ZNF821: variants seen among roughly 807,000 people sequenced by gnomAD.
ZNF821 encodes zinc finger protein 821.
ZNF821 carries 16 observed loss-of-function variants against 44.3 expected under a neutral mutation model. The observed-to-expected ratio is 0.36, with a 90% CI of 0.24 to 0.55. ZNF821 has a LOEUF of 0.55. Among genes scored for constraint, ZNF821 ranks in the 20% least tolerant of loss-of-function variants. The probability of loss-of-function intolerance (pLI) is 0.86; values close to 1 mark genes in which losing one functional copy is unlikely to be tolerated. For missense variants in ZNF821, 436 were observed against 547.6 expected (o/e 0.80, Z 2.03); for synonymous variants, 204 against 197.6 (o/e 1.03, Z -0.27).
At position 71,859,919 on chromosome 16, in the gene ZNF821, G is replaced by A; in HGVS notation, c.*99C>T. 2 of 1,334,676 alleles carry A rather than the reference G, an allele frequency of 1.5e-6. No homozygotes were observed. Among genetic ancestry groups the A allele is most frequent in the South Asian group, 1.5e-5 (1 of 65,130 alleles). The allele number at this position is 1,334,676 out of a possible 1,614,324, so 82.7% of individuals were successfully genotyped here. A position where few individuals can be genotyped will look rare whatever the true frequency, so the allele number is the denominator to read the frequency against. On this transcript the variant is annotated 3_prime_UTR_variant, in exon 8 of 8. Coordinates refer to ENST00000425432, the MANE Select transcript of ZNF821 (RefSeq NM_001201552.2). ...ACCCAGGCCTGCCTCTGGCAGCAAG[G>A]ACAGGGCCTCGTGGGTGGCAGCAGC...
At chr16:71,875,456 CT>C (rs34382171) in intron 3 of ZNF821, among the ~76,000 whole-genome samples, 147 of 133,890 alleles carry the variant, frequency 1.1e-3, no homozygotes, top group East Asian at 2.6e-3. Context: ...TAATTTTTTT[CT>C]TTTTTTTTTT....
intron 3 of ZNF821, among the ~76,000 whole-genome samples, chr16:71,875,192 T>G (rs1288347677): frequency 6.6e-6 from 1 of 152,224 alleles, no homozygotes; most frequent in African/African-American, 2.4e-5. Context: ...CAAAACAATG[T>G]TCTTTCGCTT....
intron 3 of ZNF821, 77 bp from the exon 4 acceptor site, chr16:71,868,114 C>A: frequency 6.8e-7 from 1 of 1,478,646 alleles, no homozygotes; most frequent in Non-Finnish European, 9.0e-7. Flanking sequence ...GAAGGTCAGA[C>A]CATTCAAAGG....
intron 3 of ZNF821, among the ~76,000 whole-genome samples, chr16:71,876,596 CT>C (rs1260766853): frequency 1.3e-5 from 2 of 151,918 alleles, no homozygotes; most frequent in Non-Finnish European, 2.9e-5. Context: ...TTTTCTTTCT[CT>C]TTTTCTTTTT....
At chr16:71,879,692 C>T (rs2036221401) in intron 3 of ZNF821, among the ~76,000 whole-genome samples, 1 of 152,114 alleles carries the variant, frequency 6.6e-6, no homozygotes, top group African/African-American at 2.4e-5. Context: ...TCCAACACCT[C>T]CCCCAGCAAC....
chr16:71,880,729 G>T (rs2036333875), intron 2 of ZNF821, among the ~76,000 whole-genome samples: 1 of 152,162 alleles, frequency 6.6e-6, no homozygotes, highest in Admixed American at 6.5e-5. Context: ...CCCCAGTGTG[G>T]AATACCACCT....
At position 71,861,931 on chromosome 16, in the gene ZNF821, T is replaced by C. The variant is rs780407296; in HGVS notation, c.429A>G (p.Ala143=). Residue 143 remains alanine (A), a synonymous_variant, in exon 7 of 8, where the codon GCA becomes GCG. Coordinates refer to ENST00000425432, the MANE Select transcript of ZNF821 (RefSeq NM_001201552.2). ...ACATGTAGCTCTTGGCGCTCACCAC[T>C]GCTGCAGTGTGCTGTAAAACAGAGC... The part of the protein sequence containing the change: ...LIAHVYQHTA[A]VVSAKSYMCP... 6.2e-7 allele frequency: 1 copy of C among 1,614,208 alleles called. No homozygotes were observed. Among genetic ancestry groups the C allele is most frequent in the Admixed American group, 1.7e-5 (1 of 60,026 alleles).
chr16:71,895,038 G>C (rs1286936271), exon 1 of ZNF821: 4 of 498,382 alleles, frequency 8.0e-6, no homozygotes, highest in Non-Finnish European at 1.1e-5. Context: ...AGAGGGACAC[G>C]GAGGCGCTGG....
chr16:71,864,580 G>C (rs942712786), intron 5 of ZNF821, among the ~76,000 whole-genome samples: 2 of 152,232 alleles, frequency 1.3e-5, no homozygotes, highest in Non-Finnish European at 2.9e-5. Flanking sequence ...CCTTGACTTA[G>C]ATTTGCAAGC....
chr16:71,889,607 G>A (rs1461117651), upstream of ZNF821, among the ~76,000 whole-genome samples: 1 of 152,134 alleles, frequency 6.6e-6, no homozygotes, highest in Non-Finnish European at 1.5e-5. Context: ...CTGGGAGGTG[G>A]AGGTTGCAGT....
rs904979577 is a variant in ZNF821, at chr16:71,867,699, G to GTA, written c.166+211_166+212dup. Among the ~76,000 whole-genome samples the GTA allele has an allele frequency of 7.6e-4, 115 of 150,544 alleles. 1 individual carries two copies. Among genetic ancestry groups the GTA allele is most frequent in the African/African-American group, 2.5e-3 (102 of 40,738 alleles). On this transcript the variant is annotated intron_variant, in intron 4 of 7. Coordinates refer to ENST00000425432, the MANE Select transcript of ZNF821 (RefSeq NM_001201552.2). ...GAAACTCTGTCACAAAAAAAAAAAA[G>GTA]TATATATATATAAATAAAATGCCAA... is the stretch of plus-strand genomic sequence containing the variant.
At chr16:71,869,382 T>C (rs1320448871) in intron 3 of ZNF821, among the ~76,000 whole-genome samples, 1 of 152,124 alleles carries the variant, frequency 6.6e-6, no homozygotes, top group Non-Finnish European at 1.5e-5. Flanking sequence ...TGATGTGGAG[T>C]AGGCTTCATG....
At chr16:71,885,734 TTCATC>T (rs2036827882), upstream of ZNF821, among the ~76,000 whole-genome samples, 3 of 152,244 alleles carry the variant, frequency 2.0e-5, no homozygotes, top group Non-Finnish European at 2.9e-5. Flanking sequence ...AAATAGCTCA[TTCATC>T]ATTCACTCAT....
chr16:71,860,250 G>A lies in ZNF821; in HGVS notation c.1007C>T (p.Pro336Leu), dbSNP rs1226532776. 4 of 1,614,138 alleles carry A rather than the reference G, an allele frequency of 2.5e-6. No individual in the cohort carries two copies. Among genetic ancestry groups the A allele is most frequent in the South Asian group, 1.1e-5 (1 of 91,086 alleles). Reference protein sequence around the residue: ...AMRLKRANETPEKRQARLIRE... With the variant: ...AMRLKRANETLEKRQARLIRE... Reference sequence around the variant, plus strand: ...GATGAGCCGGGCCTGCCGCTTTTCCGGGGTTTCATTGGCCCGCTTCAGCCT... The same window carrying A: ...GATGAGCCGGGCCTGCCGCTTTTCCAGGGTTTCATTGGCCCGCTTCAGCCT... Residue 336 changes from proline (P) to leucine (L), a missense_variant, in exon 8 of 8, where the codon CCG becomes CTG. Physicochemically the swap from Pro to Leu is moderately conservative, Grantham distance 98. Around this residue, in one of 5 missense-constraint regions of ZNF821, gnomAD observed 72 missense variants for 133.3 expected, o/e 0.54. Coordinates refer to ENST00000425432, the MANE Select transcript of ZNF821 (RefSeq NM_001201552.2). This position sits in a 1 kb window ranked among gnomAD's most constrained non-coding sequence, Gnocchi z 7.3.
intron 4 of ZNF821, 146 bp from the exon 5 acceptor site, chr16:71,865,194 T>C (rs1232036838): frequency 1.8e-6 from 2 of 1,098,902 alleles, no homozygotes; most frequent in South Asian, 1.6e-5. Context: ...GTACATATTA[T>C]GTCAAGTGGA....
Position 71,864,214 on chromosome 16 carries a change from A to G in ZNF821, c.341T>C (p.Leu114Ser). ...EVTGNLNSDP[L>S]LELCQCPLCQ... ...GAGGGGACACTGGCAGAGTTCAAGC[A>G]AGGGGTCAGAATTCAAATTCCCTGT... is the stretch of plus-strand genomic sequence containing the variant. Residue 114 changes from leucine to serine, a missense_variant, in exon 6 of 8, where the codon TTG becomes TCG. Physicochemically the swap from Leu to Ser is moderately radical, Grantham distance 145. Transcript: ENST00000425432. 6.2e-7 allele frequency: 1 copy of G among 1,614,204 alleles called. No individual in the cohort carries two copies. The highest frequency in any genetic ancestry group is 8.5e-7 in the Non-Finnish European group (1 of 1,180,030).
At chr16:71,870,605 G>T (rs1002632198) in intron 3 of ZNF821, among the ~76,000 whole-genome samples, 2 of 151,408 alleles carry the variant, frequency 1.3e-5, no homozygotes, top group Admixed American at 1.3e-4. Flanking sequence ...TTAGCCTCCT[G>T]AGTAGCAGGG....
chr16:71,870,587 C>A (rs573765112), intron 3 of ZNF821, among the ~76,000 whole-genome samples: 64 of 150,158 alleles, frequency 4.3e-4, no homozygotes, highest in African/African-American at 1.5e-3. Context: ...TCAAGAGATT[C>A]TCCTGCCTTA....
chr16:71,878,909 G>A (rs1043538080), intron 3 of ZNF821, among the ~76,000 whole-genome samples: 14 of 150,198 alleles, frequency 9.3e-5, no homozygotes, highest in African/African-American at 2.9e-4. Context: ...GGGTGACAGA[G>A]CGAGACTCTG....
Sources: allele counts gnomAD v4.1 joint callset (sites outside exome capture counted in the v4.1 genomes callset), GRCh38; gene constraint gnomAD v4.1.1; regional missense constraint gnomAD v4.1.1; non-coding constraint Gnocchi (gnomAD v3.1); transcripts MANE v1.5; gene names NCBI Gene and HGNC (gene_info 2026-07-23, HGNC 2026-07-21).